Variants in MORC4 observed in about 807,000 individuals in gnomAD.
The protein encoded by MORC4 is MORC family CW-type zinc finger 4.
A neutral mutation model predicts 65.5 loss-of-function variants in MORC4; 22 were observed. That is an observed-to-expected ratio of 0.34 (90% confidence interval 0.24 to 0.48). The LOEUF is 0.48. Among genes scored for constraint, MORC4 ranks in the 20% least tolerant of loss-of-function variants. The pLI is 0.99. For missense variants in MORC4, 624 were observed against 703.0 expected, an observed-to-expected ratio of 0.89 and a Z score of 1.27; for synonymous variants, 267 against 255.8, an observed-to-expected ratio of 1.04 and a Z score of -0.42.
Position 106,962,067 on chromosome X carries a change from T to C in MORC4, c.1201A>G (p.Lys401Glu), listed in dbSNP as rs1934259929. The stretch of plus-strand genomic sequence containing the variant: ...AAATTATCTTGAGATGTTTTTTCCT[T>C]CCAGTAAGCATTGAGCTTCTGGGCA... ...ALAQKLNAYW[K>E]EKTSQDNFET... is the part of the protein sequence containing the mutation. Residue 401 changes from lysine (K) to glutamate (E), a missense_variant, in exon 10 of 17, where the codon AAG (lysine) becomes GAG (glutamate). Lys to Glu is a moderately conservative substitution (Grantham distance 56, BLOSUM62 1). Transcript: ENST00000355610. The C allele has an allele frequency of 8.3e-7, 1 of 1,208,969 alleles. No individual in the cohort carries two copies. The highest frequency in any genetic ancestry group is 1.1e-6 in the Non-Finnish European group (1 of 894,230).
intron 10 of MORC4, among the ~76,000 whole-genome samples, chrX:106,960,277 A>G (rs1381463526): frequency 8.9e-6 from 1 of 112,376 alleles, no homozygotes; most frequent in Non-Finnish European, 1.9e-5. Flanking sequence ...AGAGGCAGCA[A>G]CCCTCTGTTT....
intron 2 of MORC4, among the ~76,000 whole-genome samples, 159 bp from the exon 3 acceptor site, chrX:106,993,521 A>C (rs1474527647): frequency 6.2e-5 from 7 of 112,252 alleles, no homozygotes; most frequent in Non-Finnish European, 1.3e-4. Context: ...CACTTACTAA[A>C]TTATAGAGAA....
At chrX:106,988,405 G>A (rs1934915978) in intron 3 of MORC4, among the ~76,000 whole-genome samples, 1 of 111,854 alleles carries the variant, frequency 8.9e-6, no homozygotes, top group South Asian at 3.7e-4. Flanking sequence ...AGGTTGAGAA[G>A]ATAAGTAGTA....
At chrX:106,952,706 A>C (rs1344127802) in intron 14 of MORC4, among the ~76,000 whole-genome samples, 2 of 111,755 alleles carry the variant, frequency 1.8e-5, no homozygotes, top group Non-Finnish European at 3.8e-5. Context: ...CTAGAACTTA[A>C]AAGTTTTCTT....
intron 13 of MORC4, 124 bp downstream of exon 13, chrX:106,956,356 A>C (rs1433960184): frequency 1.7e-5 from 11 of 633,147 alleles, no homozygotes; most frequent in Non-Finnish European, 2.6e-5. Flanking sequence ...AATGAAAAGA[A>C]GACCACCAGA....
chrX:106,978,171 A>T lies in MORC4; in HGVS notation c.965T>A (p.Phe322Tyr). The change falls in exon 8 of 17, where the codon TTC (phenylalanine) becomes TAC (tyrosine). Residue 322 changes from phenylalanine to tyrosine, a missense_variant. Coordinates refer to ENST00000355610, the MANE Select transcript of MORC4 (RefSeq NM_024657.5). ...AAACTGGTTACTATTCTTGCAAGAG[A>T]ACCCAAAGGTGATTCTCACCTGCTT... The part of the protein sequence containing the change: ...TNKQVRITFG[F>Y]SCKNSNQFGI... The T allele has an allele frequency of 8.3e-7, 1 of 1,207,657 alleles. No homozygotes were observed.
At chrX:106,956,404 G>T in intron 13 of MORC4, 76 bp downstream of exon 13, 1 of 855,204 alleles carries the variant, frequency 1.2e-6, no homozygotes, top group Non-Finnish European at 1.7e-6. Context: ...TTTCAAGATT[G>T]CTGCTTCCTT....
In MORC4 at chrX:106,976,655, A is replaced by C; in HGVS notation, c.1086T>G (p.Ile362Met). The C allele has an allele frequency of 8.3e-7, 1 of 1,206,014 alleles. No individual in the cohort carries two copies. Among genetic ancestry groups the C allele is most frequent in the Non-Finnish European group, 1.1e-6 (1 of 890,557 alleles). ...KPTRGEGVGV[I>M]GVIECNFLKP... ...TTAGGAAATTGCACTCAATGACTCCAATTACTCCTACACCTTCTCCACGAG... is the reference window on the plus strand; with the variant it reads ...TTAGGAAATTGCACTCAATGACTCCCATTACTCCTACACCTTCTCCACGAG... The change falls in exon 9 of 17, where the codon ATT becomes ATG. Residue 362 changes from isoleucine to methionine, a missense_variant. Ile to Met is a conservative substitution (Grantham distance 10). Transcript: ENST00000355610.
At chrX:106,943,316 AC>A in intron 14 of MORC4, 111 bp from the exon 15 acceptor site, 1 of 573,077 alleles carries the variant, frequency 1.7e-6, no homozygotes, top group Non-Finnish European at 2.8e-6. Flanking sequence ...TCTAGATGTT[AC>A]CCACAGACAA....
intron 7 of MORC4, 122 bp downstream of exon 7, chrX:106,980,767 ATG>A (rs1934723178): frequency 6.9e-6 from 4 of 577,755 alleles, no homozygotes; most frequent in Non-Finnish European, 1.1e-5. Context: ...CTGTAATAGA[ATG>A]TGTACTATGA....
At chrX:106,968,145 G>C (rs1934417980) in intron 9 of MORC4, among the ~76,000 whole-genome samples, 1 of 111,897 alleles carries the variant, frequency 8.9e-6, no homozygotes, top group African/African-American at 3.3e-5. Context: ...AGCCAGAAGA[G>C]AGTAGGGGCC....
intron 11 of MORC4, among the ~76,000 whole-genome samples, chrX:106,957,758 G>C (rs1391520168): frequency 8.9e-6 from 1 of 111,821 alleles, no homozygotes; most frequent in African/African-American, 3.3e-5. Context: ...AATAGGTACA[G>C]GTACTACTGT....
chrX:106,985,399 G>A (rs890842371), intron 4 of MORC4, among the ~76,000 whole-genome samples, 156 bp from the exon 5 acceptor site: 5 of 112,239 alleles, frequency 4.5e-5, no homozygotes, highest in African/African-American at 1.6e-4. Flanking sequence ...GAGAAAGGTT[G>A]TAGAGACAAG....
chrX:106,959,062 T>A (rs1934173334), intron 10 of MORC4, among the ~76,000 whole-genome samples: 1 of 111,858 alleles, frequency 8.9e-6, no homozygotes, highest in African/African-American at 3.2e-5. Context: ...TCAATCAAAA[T>A]TTTACTAGGT....
chrX:106,997,371 G>T (rs1212036848), intron 2 of MORC4, among the ~76,000 whole-genome samples: 1 of 111,319 alleles, frequency 9.0e-6, no homozygotes, highest in Admixed American at 9.6e-5. Flanking sequence ...ATACACTGCT[G>T]CAAGACTGAC....
intron 14 of MORC4, 25 bp downstream of exon 14, chrX:106,954,888 A>G (rs1186313739): frequency 8.4e-7 from 1 of 1,187,872 alleles, no homozygotes; most frequent in Non-Finnish European, 1.1e-6. Flanking sequence ...CTTACTATTG[A>G]CAAGAGATCA....
intron 9 of MORC4, among the ~76,000 whole-genome samples, chrX:106,966,823 A>C (rs898522772): frequency 1.8e-5 from 2 of 112,719 alleles, no homozygotes; most frequent in Non-Finnish European, 3.8e-5. Context: ...GGCGGAGCTC[A>C]CCACAGCTCA....
rs58310740 is a variant in MORC4 at position 106,941,371 on chromosome X, TGAGAGAGAGAGAGA to T, written c.*94_*107del. 1.4e-3 allele frequency: 562 copies of T among 395,032 alleles called. 4 individuals carry two copies. Among genetic ancestry groups the T allele is most frequent in the African/African-American group, 0.01 (310 of 30,641 alleles). The allele number at this position is 395,032 out of a possible 1,213,427, so 32.6% of individuals were successfully genotyped here. ...TCTATATAAGGCATAAAGGTGAGGG[TGAGAGAGAGAGAGA>T]GAGAGAGAGAGAGAGAGAGAGAGAG... On this transcript the variant is annotated 3_prime_UTR_variant, in exon 17 of 17. Coordinates refer to ENST00000355610, the MANE Select transcript of MORC4 (RefSeq NM_024657.5).
intron 11 of MORC4, 29 bp downstream of exon 11, chrX:106,958,307 G>A (rs760309705): frequency 2.6e-6 from 3 of 1,172,840 alleles, no homozygotes; most frequent in South Asian, 1.9e-5. Flanking sequence ...GAGTTACCTT[G>A]AGCATAAGAT....
Sources: allele counts gnomAD v4.1 joint callset (sites outside exome capture counted in the v4.1 genomes callset), GRCh38; gene constraint gnomAD v4.1.1; transcripts MANE v1.5; gene names NCBI Gene and HGNC (gene_info 2026-07-23, HGNC 2026-07-21).